The following GPC3 variants were observed in gnomAD, a reference collection of about 807,000 sequenced individuals.
GPC3 encodes the protein glypican-3.
GPC3 carries 3 observed loss-of-function variants against 34.4 expected under a neutral mutation model. That is an observed-to-expected ratio of 0.09 (90% confidence interval 0.04 to 0.23). The LOEUF (loss-of-function observed/expected upper bound fraction) is 0.23. Ranked by LOEUF, GPC3 falls within the 10% of genes least tolerant of loss-of-function variation. The pLI, the probability that GPC3 is intolerant of heterozygous loss-of-function variation, is 1.00. For synonymous variants in GPC3, 177 were observed against 174.0 expected (o/e 1.02, Z -0.13); for missense variants, 351 against 445.6 (o/e 0.79, Z 1.91).
At chrX:133,767,104 C>T (rs1280611146) in intron 2 of GPC3, among the ~76,000 whole-genome samples, 1 of 112,265 alleles carries the variant, frequency 8.9e-6, no homozygotes, top group Non-Finnish European at 1.9e-5. Flanking sequence ...TGTCACAATG[C>T]TTCCAGATAT....
intron 2 of GPC3, among the ~76,000 whole-genome samples, chrX:133,853,838 G>T (rs2075887161): frequency 8.9e-6 from 1 of 112,055 alleles, no homozygotes; most frequent in East Asian, 2.8e-4. Flanking sequence ...GCTGTGAGGT[G>T]TAGGGGATAG....
chrX:133,901,897 CA>C (rs1470770240), intron 2 of GPC3, among the ~76,000 whole-genome samples: 1 of 112,212 alleles, frequency 8.9e-6, no homozygotes, highest in Non-Finnish European at 1.9e-5. Context: ...ACTGATGGAG[CA>C]AAGTACTATC....
intron 2 of GPC3, among the ~76,000 whole-genome samples, chrX:133,760,970 A>ATT (rs1395109282): frequency 9.2e-6 from 1 of 108,429 alleles, no homozygotes; most frequent in African/African-American, 3.3e-5. Flanking sequence ...AATCTTTTAA[A>ATT]TTTTTTTTTT....
At chrX:133,608,245 G>T (rs1188993118) in intron 6 of GPC3, among the ~76,000 whole-genome samples, 1 of 112,789 alleles carries the variant, frequency 8.9e-6, no homozygotes, top group Non-Finnish European at 1.9e-5. Flanking sequence ...CTTGCTACCC[G>T]CTTTGTGGAA....
intron 2 of GPC3, among the ~76,000 whole-genome samples, chrX:133,853,248 G>A (rs1048574050): frequency 8.1e-5 from 9 of 111,596 alleles, no homozygotes; most frequent in African/African-American, 2.9e-4. Context: ...ATGAGAACAC[G>A]TACCACAAAA....
At chrX:133,863,648 C>CTTTTTTTTTTTTTTTTTTTTTT (rs1165193952) in intron 2 of GPC3, among the ~76,000 whole-genome samples, 3 of 72,881 alleles carry the variant, frequency 4.1e-5, no homozygotes, top group African/African-American at 1.7e-4. Flanking sequence ...AAAAATATTC[C>CTTTTTTTTTTTTTTTTTTTTTT]TTTTTTTTTT....
chrX:133,607,063 T>C (rs2070057823), intron 6 of GPC3, among the ~76,000 whole-genome samples: 1 of 111,174 alleles, frequency 9.0e-6, no homozygotes, highest in African/African-American at 3.3e-5. Context: ...TTTATGATTT[T>C]TATAATTAAA....
chrX:133,758,484 G>A (rs1245568338), intron 2 of GPC3, among the ~76,000 whole-genome samples: 1 of 111,442 alleles, frequency 9.0e-6, no homozygotes, highest in South Asian at 3.8e-4. Flanking sequence ...TCATTTGTAA[G>A]TGGGAATTGA....
intron 5 of GPC3, among the ~76,000 whole-genome samples, chrX:133,691,554 C>A (rs1463092880): frequency 9.1e-6 from 1 of 110,496 alleles, no homozygotes; most frequent in East Asian, 2.8e-4. Flanking sequence ...CCCACAAATG[C>A]TCCATAAAAT....
intron 2 of GPC3, among the ~76,000 whole-genome samples, chrX:133,849,598 C>T (rs59340119): frequency 0.11 from 12,458 of 110,364 alleles, 1,327 homozygotes; most frequent in African/African-American, 0.33. Flanking sequence ...ATCTTTTCCA[C>T]CTGGTAATAA....
intron 3 of GPC3, among the ~76,000 whole-genome samples, chrX:133,716,647 G>T (rs940063381): frequency 9.0e-6 from 1 of 111,450 alleles, no homozygotes; most frequent in African/African-American, 3.3e-5. Flanking sequence ...GAAGAAAAAA[G>T]AATTAAGGAA....
At chrX:133,545,946 C>G (rs1215763782) in intron 7 of GPC3, among the ~76,000 whole-genome samples, 5 of 110,384 alleles carry the variant, frequency 4.5e-5, no homozygotes, top group Non-Finnish European at 7.6e-5. Context: ...ATAAATGGCA[C>G]CACATGAATG....
At chrX:133,928,049 C>T (rs1038528043) in intron 2 of GPC3, among the ~76,000 whole-genome samples, 6 of 109,765 alleles carry the variant, frequency 5.5e-5, no homozygotes, top group East Asian at 2.9e-4. Flanking sequence ...TTAGATCTTT[C>T]GACTTGTTCA....
intron 3 of GPC3, among the ~76,000 whole-genome samples, chrX:133,745,023 G>A (rs1184092567): frequency 1.8e-5 from 2 of 110,295 alleles, no homozygotes; most frequent in East Asian, 2.8e-4. Flanking sequence ...TGGGTGGGGG[G>A]TTGGGGAGGG....
At chrX:133,610,257 T>G (rs761941192) in intron 6 of GPC3, among the ~76,000 whole-genome samples, 1 of 111,698 alleles carries the variant, frequency 9.0e-6, no homozygotes, top group African/African-American at 3.3e-5. Context: ...TGCTTGCTCC[T>G]GGGACTGAAG....
intron 2 of GPC3, among the ~76,000 whole-genome samples, chrX:133,756,027 T>A (rs2071723325): frequency 8.9e-6 from 1 of 112,589 alleles, no homozygotes; most frequent in African/African-American, 3.2e-5. Context: ...TGGAGATAAA[T>A]GATAAACCAT....
At chrX:133,660,294 T>C (rs2070704495) in intron 6 of GPC3, among the ~76,000 whole-genome samples, 1 of 112,535 alleles carries the variant, frequency 8.9e-6, no homozygotes, top group Admixed American at 9.4e-5. Context: ...ACCTCTGTTC[T>C]TGCATAAGGA....
intron 2 of GPC3, among the ~76,000 whole-genome samples, chrX:133,899,987 G>C (rs750570657): frequency 1.8e-5 from 2 of 111,305 alleles, no homozygotes; most frequent in South Asian, 7.7e-4. Context: ...CTTTTTAGTA[G>C]AGACAGGGTT....
chrX:133,886,063 C>T (rs2124586075), intron 2 of GPC3, among the ~76,000 whole-genome samples: 1 of 111,520 alleles, frequency 9.0e-6, no homozygotes, highest in Non-Finnish European at 1.9e-5. Flanking sequence ...ATATGCTACA[C>T]ATATGGAAAG....
Sources: allele counts gnomAD v4.1 joint callset (sites outside exome capture counted in the v4.1 genomes callset), GRCh38; gene constraint gnomAD v4.1.1; transcripts MANE v1.5; gene names NCBI Gene and HGNC (gene_info 2026-07-23, HGNC 2026-07-21).